Variants in DNAJC5 observed in about 807,000 individuals in gnomAD.
DNAJC5 encodes the protein dnaJ homolog subfamily C member 5.
A neutral mutation model predicts 23.2 loss-of-function variants in DNAJC5; 1 was observed. The ratio of observed to expected loss-of-function variants is 0.04; its 90% CI spans 0.02 to 0.20. The LOEUF is 0.20. Among genes scored for constraint, DNAJC5 ranks in the 10% least tolerant of loss-of-function variants. The pLI, the probability that DNAJC5 is intolerant of heterozygous loss-of-function variation, is 1.00. For synonymous variants in DNAJC5, 136 were observed against 120.0 expected, an observed-to-expected ratio of 1.13 and a Z score of -0.87; for missense variants, 180 against 267.0, an observed-to-expected ratio of 0.67 and a Z score of 2.27.
intron 1 of DNAJC5, among the ~76,000 whole-genome samples, chr20:63,927,392 TG>T (rs1284087935): frequency 6.6e-6 from 1 of 152,156 alleles, no homozygotes; most frequent in Admixed American, 6.5e-5. Flanking sequence ...CAAAATTAGC[TG>T]GGTGTGGTGG....
At position 63,928,301 on chromosome 20, in the gene DNAJC5, C is replaced by G. The variant is rs760510395; in HGVS notation, c.-11-34C>G. On this transcript the variant is annotated intron_variant, in intron 1 of 4. Coordinates refer to ENST00000360864, the MANE Select transcript of DNAJC5 (RefSeq NM_025219.3). The surrounding 1 kb of genome is among the most constrained non-coding windows in gnomAD (Gnocchi z 4.6). ...TCTGCCCTTGGTACTTTCATCTATA[C>G]TTTGTGATACTTTCTTTTTATTTTT... 2 of 1,557,482 alleles carry G rather than the reference C, an allele frequency of 1.3e-6. No homozygotes were observed. The highest frequency in any genetic ancestry group is 2.7e-5 in the African/African-American group (2 of 73,762).
chr20:63,931,963 A>C lies in DNAJC5; in HGVS notation c.*395A>C. On this transcript the variant is annotated 3_prime_UTR_variant, in exon 5 of 5. Transcript: ENST00000360864. The surrounding 1 kb of genome is among the most constrained non-coding windows in gnomAD (Gnocchi z 9.6). ...GGAGAAGGGGGGCTGCCCCTTTCCT[A>C]CCTGTGCTTGAGGGGCCGGAGGCAG... 2.9e-6 allele frequency: 1 copy of C among 345,740 alleles called. No homozygotes were observed. The highest frequency in any genetic ancestry group is 5.7e-6 in the Non-Finnish European group (1 of 176,816). 21.4% of individuals were successfully genotyped at this position (345,740 alleles called of 1,614,324 possible).
chr20:63,915,410 T>G (rs114953230), intron 1 of DNAJC5, among the ~76,000 whole-genome samples: 1 of 145,858 alleles, frequency 6.9e-6, no homozygotes, highest in African/African-American at 2.6e-5. Flanking sequence ...TATATGTTTT[T>G]TACTACAATT....
At chr20:63,923,931 G>A (rs1600879372) in intron 1 of DNAJC5, among the ~76,000 whole-genome samples, 2 of 152,256 alleles carry the variant, frequency 1.3e-5, no homozygotes, top group East Asian at 1.9e-4. Context: ...TTGTGTAAGA[G>A]TTCTTTATTC....
rs1349641328 is a variant in DNAJC5, at chr20:63,933,441, C to T, written c.*1873C>T. ...CTAGGTCCTGGGCAGCTTTGTTTGTCCCACTTTTCTTTGTTTCTTCTCACT... is the reference window on the plus strand; with the variant it reads ...CTAGGTCCTGGGCAGCTTTGTTTGTTCCACTTTTCTTTGTTTCTTCTCACT... On this transcript the variant is annotated 3_prime_UTR_variant, in exon 5 of 5. Transcript: ENST00000360864. 2 of 152,308 alleles carry T rather than the reference C, an allele frequency of 1.3e-5. No homozygotes were observed. Among genetic ancestry groups the T allele is most frequent in the African/African-American group, 4.8e-5 (2 of 41,440 alleles). 9.4% of individuals were successfully genotyped at this position (152,308 alleles called of 1,614,324 possible).
At chr20:63,911,172 A>G (rs375546680) in intron 1 of DNAJC5, among the ~76,000 whole-genome samples, 2 of 152,314 alleles carry the variant, frequency 1.3e-5, no homozygotes, top group East Asian at 1.9e-4. Flanking sequence ...GCAGTAGATG[A>G]GTCTGTGAAT....
In DNAJC5 at chr20:63,934,537, T is replaced by A. The variant is rs2053701935; in HGVS notation, c.*2969T>A. 2 of 152,266 alleles carry A rather than the reference T, an allele frequency of 1.3e-5. No homozygotes were observed. The highest frequency in any genetic ancestry group is 4.8e-5 in the African/African-American group (2 of 41,472). The allele number at this position is 152,266 out of a possible 1,614,324, so 9.4% of individuals were successfully genotyped here. A position where few individuals can be genotyped will look rare whatever the true frequency, so the allele number is the denominator to read the frequency against. On this transcript the variant is annotated 3_prime_UTR_variant, in exon 5 of 5. Coordinates refer to ENST00000360864, the MANE Select transcript of DNAJC5 (RefSeq NM_025219.3). ...GACTGCTTCCGACCTGCAGGAGGCG[T>A]AGGAGCGGCCCTGCGGGCCCTTTCA... is the stretch of plus-strand genomic sequence containing the variant.
rs6122210 is a variant in DNAJC5 at position 63,904,388 on chromosome 20, C to T, written c.-12+9065C>T. Among the ~76,000 whole-genome samples the T allele has an allele frequency of 1.9e-3, 285 of 152,288 alleles. 8 individuals carry two copies. The East Asian group carries it at 0.048, about 26-fold the overall frequency. On this transcript the variant is annotated intron_variant, in intron 1 of 4. Coordinates refer to ENST00000360864, the MANE Select transcript of DNAJC5 (RefSeq NM_025219.3). Reference sequence around the variant, plus strand: ...AGGTTGGGTAACCCTAACTGATTGTCACCAGCAGACCAACAGACAGACTCA... The same window carrying T: ...AGGTTGGGTAACCCTAACTGATTGTTACCAGCAGACCAACAGACAGACTCA...
intron 1 of DNAJC5, among the ~76,000 whole-genome samples, chr20:63,899,801 T>G (rs2053398966): frequency 6.6e-6 from 1 of 151,868 alleles, no homozygotes; most frequent in Non-Finnish European, 1.5e-5. Context: ...CAGGATGGTC[T>G]CGATCTCCTG....
intron 1 of DNAJC5, among the ~76,000 whole-genome samples, chr20:63,907,575 C>G (rs1459459283): frequency 6.6e-6 from 1 of 152,200 alleles, no homozygotes; most frequent in East Asian, 1.9e-4. Context: ...CACCCCCTGA[C>G]CAGGCCCGTC....
intron 1 of DNAJC5, among the ~76,000 whole-genome samples, chr20:63,905,057 G>A (rs1600861872): frequency 6.7e-6 from 1 of 149,910 alleles, no homozygotes; most frequent in Non-Finnish European, 1.5e-5. Context: ...CGCCTGCCTC[G>A]GCCTCCCAAA....
At chr20:63,927,737 T>G (rs1395204812) in intron 1 of DNAJC5, among the ~76,000 whole-genome samples, 6 of 152,184 alleles carry the variant, frequency 3.9e-5, no homozygotes, top group Non-Finnish European at 8.8e-5. Context: ...GTCCCTTACT[T>G]TAATTGGAGT....
At chr20:63,930,571 TCTC>T (rs753792964) in intron 3 of DNAJC5, among the ~76,000 whole-genome samples, 29 of 152,274 alleles carry the variant, frequency 1.9e-4, no homozygotes, top group Admixed American at 5.2e-4. Context: ...ATGGTCTCGA[TCTC>T]CTGACCTCGT....
Position 63,930,953 on chromosome 20 carries a change from G to A in DNAJC5, c.424G>A (p.Glu142Lys), listed in dbSNP as rs2053664719. The change falls in exon 4 of 5, where the codon GAA becomes AAA. Residue 142 changes from glutamate to lysine, a missense_variant. Transcript: ENST00000360864. ...CGGGAAGTGTAAGCCCAAGGCGCCT[G>A]AAGGCGAGGAGACGGAGTTCTACGT... ...CCGKCKPKAP[E>K]GEETEFYVSP... 1 of 1,614,072 alleles carries A rather than the reference G, an allele frequency of 6.2e-7. No individual in the cohort carries two copies. Among genetic ancestry groups the A allele is most frequent in the African/African-American group, 1.3e-5 (1 of 74,960 alleles).
At chr20:63,900,343 C>T (rs539079996) in intron 1 of DNAJC5, among the ~76,000 whole-genome samples, 4 of 151,958 alleles carry the variant, frequency 2.6e-5, no homozygotes, top group Admixed American at 6.5e-5. Flanking sequence ...TTTGAGAGGC[C>T]GAGGCAGGCG....
At chr20:63,902,810 G>C (rs1000195295) in intron 1 of DNAJC5, among the ~76,000 whole-genome samples, 1 of 150,722 alleles carries the variant, frequency 6.6e-6, no homozygotes, top group African/African-American at 2.4e-5. Context: ...CGAGTAGCTG[G>C]GACTACAGGC....
intron 1 of DNAJC5, among the ~76,000 whole-genome samples, chr20:63,898,908 G>T (rs1044323368): frequency 6.6e-6 from 1 of 152,158 alleles, no homozygotes; most frequent in Non-Finnish European, 1.5e-5. Flanking sequence ...TGATTAGAAC[G>T]TTCTCGTGCC....
chr20:63,915,103 G>T (rs992988674), intron 1 of DNAJC5, among the ~76,000 whole-genome samples: 12 of 152,160 alleles, frequency 7.9e-5, no homozygotes, highest in Admixed American at 5.9e-4. Context: ...ATGCTCCTGG[G>T]ACCTGGGGCA....
At chr20:63,901,599 A>G (rs1006901306) in intron 1 of DNAJC5, among the ~76,000 whole-genome samples, 1 of 152,204 alleles carries the variant, frequency 6.6e-6, no homozygotes, top group East Asian at 1.9e-4. Flanking sequence ...TCTACCCCGG[A>G]CGAGGCTGCA....
Sources: allele counts gnomAD v4.1 joint callset (sites outside exome capture counted in the v4.1 genomes callset), GRCh38; gene constraint gnomAD v4.1.1; non-coding constraint Gnocchi (gnomAD v3.1); transcripts MANE v1.5; gene names NCBI Gene and HGNC (gene_info 2026-07-23, HGNC 2026-07-21).